Variants in LRRC1 observed in about 807,000 individuals in gnomAD.
The protein encoded by LRRC1 is leucine-rich repeat-containing protein 1.
LRRC1 carries 28 observed loss-of-function variants against 69.9 expected under a neutral mutation model. The ratio of observed to expected loss-of-function variants is 0.40; its 90% CI spans 0.30 to 0.55. The LOEUF (loss-of-function observed/expected upper bound fraction) is 0.55, where lower values mean the gene tolerates loss of function less well. Ranked by LOEUF, LRRC1 falls within the 20% of genes least tolerant of loss-of-function variation. The probability of loss-of-function intolerance (pLI) is 0.47; values close to 1 mark genes in which losing one functional copy is unlikely to be tolerated. For synonymous variants in LRRC1, 236 were observed against 240.2 expected (o/e 0.98, Z 0.16); for missense variants, 498 against 609.0 (o/e 0.82, Z 1.92).
intron 1 of LRRC1, among the ~76,000 whole-genome samples, chr6:53,803,418 A>C (rs1311888732): frequency 1.3e-5 from 2 of 152,180 alleles, no homozygotes; most frequent in Admixed American, 1.3e-4. Flanking sequence ...CTGCTTCATA[A>C]GATAGTTCTG....
chr6:53,848,645 A>G (rs1463206846), intron 2 of LRRC1, among the ~76,000 whole-genome samples: 2 of 152,194 alleles, frequency 1.3e-5, no homozygotes, highest in African/African-American at 4.8e-5. Context: ...GTCAGAACAT[A>G]TATATGGAAG....
At chr6:53,883,613 G>T (rs557118839) in intron 4 of LRRC1, among the ~76,000 whole-genome samples, 1 of 152,180 alleles carries the variant, frequency 6.6e-6, no homozygotes, top group Non-Finnish European at 1.5e-5. Flanking sequence ...TCCCACAGAC[G>T]AACTAGTTGA....
At chr6:53,861,001 A>C (rs1259873414) in intron 2 of LRRC1, among the ~76,000 whole-genome samples, 1 of 140,484 alleles carries the variant, frequency 7.1e-6, no homozygotes, top group African/African-American at 2.6e-5. Flanking sequence ...TGGACACAGA[A>C]GGGAACGACA....
intron 1 of LRRC1, among the ~76,000 whole-genome samples, chr6:53,805,032 T>C (rs1158151067): frequency 1.3e-5 from 2 of 152,176 alleles, no homozygotes; most frequent in African/African-American, 2.4e-5. Flanking sequence ...CTTTTTTTTT[T>C]CTTCTTTTTA....
At chr6:53,886,967 A>G (rs1767506244) in intron 4 of LRRC1, among the ~76,000 whole-genome samples, 1 of 152,206 alleles carries the variant, frequency 6.6e-6, no homozygotes. Flanking sequence ...GTCTGTACCT[A>G]CCCTGGCATT....
At chr6:53,796,236 G>C (rs1011808673) in intron 1 of LRRC1, among the ~76,000 whole-genome samples, 1 of 152,218 alleles carries the variant, frequency 6.6e-6, no homozygotes, top group Non-Finnish European at 1.5e-5. Flanking sequence ...TATGTAAATT[G>C]ATCACTCCAT....
At position 53,904,492 on chromosome 6, in the gene LRRC1, ATAAT is replaced by A. The variant is rs1482652720; in HGVS notation, c.990+33_990+36del. 4 of 1,345,392 alleles carry A rather than the reference ATAAT, an allele frequency of 3.0e-6. No individual in the cohort carries two copies. In the African/African-American group the frequency reaches 5.9e-5, roughly 20 times the overall value. 83.3% of individuals were successfully genotyped at this position (1,345,392 alleles called of 1,614,324 possible). A position where few individuals can be genotyped will look rare whatever the true frequency, so the allele number is the denominator to read the frequency against. ...GTGCTTTTAGAGAAATCACATGATA[ATAAT>A]TATGAAGAAATAATAATAATACATA... is the stretch of plus-strand genomic sequence containing the variant. On this transcript the variant is annotated intron_variant, in intron 10 of 13. Coordinates refer to ENST00000370888, the MANE Select transcript of LRRC1 (RefSeq NM_018214.5).
chr6:53,815,022 G>A (rs1764910516), intron 1 of LRRC1, among the ~76,000 whole-genome samples: 2 of 151,830 alleles, frequency 1.3e-5, no homozygotes, highest in Admixed American at 6.6e-5. Flanking sequence ...TTGTTGCGGG[G>A]AGCACAACAG....
At chr6:53,810,114 G>C (rs1403534428) in intron 1 of LRRC1, among the ~76,000 whole-genome samples, 1 of 152,218 alleles carries the variant, frequency 6.6e-6, no homozygotes, top group East Asian at 1.9e-4. Context: ...GGTGGGCACT[G>C]TGCAGTGTCT....
intron 2 of LRRC1, among the ~76,000 whole-genome samples, chr6:53,844,427 T>TA (rs2127417036): frequency 6.6e-6 from 1 of 152,328 alleles, no homozygotes; most frequent in African/African-American, 2.4e-5. Flanking sequence ...TAATTAACTC[T>TA]AATGGGATGC....
intron 1 of LRRC1, among the ~76,000 whole-genome samples, chr6:53,840,207 A>C (rs2127415510): frequency 6.6e-6 from 1 of 152,298 alleles, no homozygotes; most frequent in Admixed American, 6.5e-5. Flanking sequence ...TGCGTGACTG[A>C]AATGTTTTTA....
At chr6:53,842,029 ATTG>A in intron 1 of LRRC1, 78 bp from the exon 2 acceptor site, 7 of 825,520 alleles carry the variant, frequency 8.5e-6, no homozygotes, top group Non-Finnish European at 1.4e-5. Context: ...TTTAAAAGAC[ATTG>A]TTTTACATTT....
chr6:53,904,049 G>A (rs1050533631), intron 9 of LRRC1, among the ~76,000 whole-genome samples: 8 of 152,228 alleles, frequency 5.3e-5, no homozygotes, highest in Non-Finnish European at 5.9e-5. Context: ...CCTTGAAGGT[G>A]CAGGCAGGGC....
Position 53,899,824 on chromosome 6 carries a change from T to A in LRRC1, c.720T>A (p.Ser240Arg), listed in dbSNP as rs1175976875. Reference protein sequence around the residue: ...NRLERLPEEISGLTSLTDLVI... With the variant: ...NRLERLPEEIRGLTSLTDLVI... ...TGGAAAGACTTCCTGAAGAAATCAG[T>A]GGCCTGACTTCATTAACGGATTTAG... The change falls in exon 8 of 14, where the codon AGT becomes AGA. Residue 240 changes from serine to arginine, a missense_variant. Around this residue, in one of 3 missense-constraint regions of LRRC1, gnomAD observed 266 missense variants for 383.9 expected, o/e 0.69. Coordinates refer to ENST00000370888, the MANE Select transcript of LRRC1 (RefSeq NM_018214.5). 1.2e-6 allele frequency: 2 copies of A among 1,613,838 alleles called. No individual in the cohort carries two copies. The highest frequency in any genetic ancestry group is 3.3e-5 in the Admixed American group (2 of 60,036).
At chr6:53,876,452 T>C (rs908358345) in intron 2 of LRRC1, among the ~76,000 whole-genome samples, 3 of 151,910 alleles carry the variant, frequency 2.0e-5, no homozygotes, top group Admixed American at 6.6e-5. Context: ...TCCCCCAAAC[T>C]CTTAACTCAT....
intron 2 of LRRC1, among the ~76,000 whole-genome samples, chr6:53,867,359 C>T (rs1766735446): frequency 6.6e-6 from 1 of 151,926 alleles, no homozygotes; most frequent in Non-Finnish European, 1.5e-5. Flanking sequence ...TTGGTCTATG[C>T]CTGGGCCGAA....
intron 10 of LRRC1, among the ~76,000 whole-genome samples, chr6:53,907,041 G>T (rs1052527159): frequency 2.6e-5 from 4 of 152,204 alleles, no homozygotes; most frequent in African/African-American, 9.7e-5. Flanking sequence ...AGAGCCTCCT[G>T]ACCTCTCATT....
At chr6:53,857,864 C>T (rs1421060127) in intron 2 of LRRC1, among the ~76,000 whole-genome samples, 1 of 152,198 alleles carries the variant, frequency 6.6e-6, no homozygotes, top group Non-Finnish European at 1.5e-5. Context: ...ATCACTGTTT[C>T]CTGCTGGATC....
chr6:53,855,020 T>G (rs1766265908), intron 2 of LRRC1, among the ~76,000 whole-genome samples: 1 of 152,148 alleles, frequency 6.6e-6, no homozygotes, highest in Non-Finnish European at 1.5e-5. Context: ...CAGAAGGTTG[T>G]GATAAGTTAA....
Sources: allele counts gnomAD v4.1 joint callset (sites outside exome capture counted in the v4.1 genomes callset), GRCh38; gene constraint gnomAD v4.1.1; regional missense constraint gnomAD v4.1.1; transcripts MANE v1.5; gene names NCBI Gene and HGNC (gene_info 2026-07-23, HGNC 2026-07-21).